GRK1: variants seen among roughly 807,000 people sequenced by gnomAD.
The protein encoded by GRK1 is rhodopsin kinase GRK1.
A neutral mutation model predicts 41.7 loss-of-function variants in GRK1; 28 were observed. The observed-to-expected ratio is 0.67, with a 90% CI of 0.50 to 0.92. The LOEUF is 0.92. Ranked by LOEUF, GRK1 falls within the 40% of genes least tolerant of loss-of-function variation. The probability of loss-of-function intolerance (pLI) is 0.00; values close to 1 mark genes in which losing one functional copy is unlikely to be tolerated. For missense variants in GRK1, 703 were observed against 671.2 expected (o/e 1.05, Z -0.52); for synonymous variants, 327 against 286.7 (o/e 1.14, Z -1.42).
At chr13:113,670,572 C>T (rs1469761894) in intron 2 of GRK1, among the ~76,000 whole-genome samples, 2 of 152,212 alleles carry the variant, frequency 1.3e-5, no homozygotes, top group Non-Finnish European at 2.9e-5. Flanking sequence ...GAAATTCCTC[C>T]AGGTGAGGCT....
chr13:113,733,328 C>T (rs987946878), intron 6 of GRK1, among the ~76,000 whole-genome samples: 30 of 152,244 alleles, frequency 2.0e-4, no homozygotes, highest in Non-Finnish European at 2.9e-4. Flanking sequence ...ACACACTGGC[C>T]GCACTGGGGC....
At chr13:113,661,804 C>T in the GRK1 span, among the ~76,000 whole-genome samples, 1 of 152,162 alleles carries the variant, frequency 6.6e-6, no homozygotes, top group Non-Finnish European at 1.5e-5. Flanking sequence ...TGTAAATAGC[C>T]TATAACTATT....
At chr13:113,727,395 C>CCTGTGGT (rs2049896017) in intron 4 of GRK1, among the ~76,000 whole-genome samples, 1 of 151,836 alleles carries the variant, frequency 6.6e-6, no homozygotes, top group South Asian at 2.1e-4. Context: ...TGAGGTGTGG[C>CCTGTGGT]CTGTGGTCTG....
the GRK1 span, among the ~76,000 whole-genome samples, chr13:113,660,759 G>A: frequency 1.3e-5 from 2 of 152,200 alleles, no homozygotes; most frequent in African/African-American, 2.4e-5. Flanking sequence ...AGAGATGTTA[G>A]GATTAGCTGC....
Position 113,735,368 on chromosome 13 carries a change from C to T in GRK1, c.*5C>T, listed in dbSNP as rs995051191. Reference sequence around the variant, plus strand: ...GGGATGTGTCTGGTTTCCTAGGTGACGCCCCAGAGTCCACGTGGAGGAAAA... The same window carrying T: ...GGGATGTGTCTGGTTTCCTAGGTGATGCCCCAGAGTCCACGTGGAGGAAAA... On this transcript the variant is annotated 3_prime_UTR_variant, in exon 7 of 7. Transcript: ENST00000335678. 4.1e-5 allele frequency: 61 copies of T among 1,485,838 alleles called. No individual in the cohort carries two copies. In the South Asian group the frequency reaches 5.1e-4, roughly 12 times the overall value. The allele number at this position is 1,485,838 out of a possible 1,614,324, so 92.0% of individuals were successfully genotyped here. A position where few individuals can be genotyped will look rare whatever the true frequency, so the allele number is the denominator to read the frequency against.
At chr13:113,649,588 G>A in the GRK1 span, 8 of 1,445,382 alleles carry the variant, frequency 5.5e-6, no homozygotes, top group Admixed American at 2.8e-5. The surrounding 1 kb of genome is among the most constrained non-coding windows in gnomAD (Gnocchi z 4.7). Context: ...TGAAGTTAAG[G>A]AGAGAAAACT....
chr13:113,723,164 G>A lies in GRK1; in HGVS notation c.1069+7G>A, dbSNP rs2049867208. 7.1e-6 allele frequency: 5 copies of A among 700,372 alleles called. No homozygotes were observed. Among genetic ancestry groups the A allele is most frequent in the Non-Finnish European group, 1.3e-5 (5 of 382,956 alleles). The allele number at this position is 700,372 out of a possible 1,614,324, so 43.4% of individuals were successfully genotyped here. On this transcript the variant is annotated splice_region_variant and intron_variant, in intron 4 of 6. Coordinates refer to ENST00000335678, the MANE Select transcript of GRK1 (RefSeq NM_002929.3). ...GGCTACGCAGGGACCCCAGGTAAGG[G>A]TCTGAGCGCAGCTGGGGAGGCTCCG...
chr13:113,659,194 G>A, the GRK1 span, among the ~76,000 whole-genome samples: 55 of 152,318 alleles, frequency 3.6e-4, no homozygotes, highest in South Asian at 5.4e-3. Context: ...TCAGAACCCC[G>A]GCTCAGACGC....
intron 4 of GRK1, among the ~76,000 whole-genome samples, chr13:113,724,149 C>T (rs994581372): frequency 4.6e-5 from 7 of 152,104 alleles, no homozygotes; most frequent in Non-Finnish European, 1.0e-4. Context: ...TCAAGCAGAG[C>T]GGGGTCCGTG....
chr13:113,652,641 T>G, the GRK1 span: 1 of 613,294 alleles, frequency 1.6e-6, no homozygotes, highest in East Asian at 3.0e-5. Flanking sequence ...TGTTTCCACA[T>G]GTTTTAGAGG....
intron 4 of GRK1, among the ~76,000 whole-genome samples, chr13:113,728,395 G>T (rs145191605): frequency 8.0e-6 from 1 of 124,254 alleles, no homozygotes; most frequent in Non-Finnish European, 1.6e-5. Context: ...TACCCATGGC[G>T]ATGAGGAGTA....
Position 113,735,514 on chromosome 13 carries a change from G to T in GRK1, c.*151G>T. 1.2e-6 allele frequency: 1 copy of T among 862,510 alleles called. No individual in the cohort carries two copies. The highest frequency in any genetic ancestry group is 1.7e-6 in the Non-Finnish European group (1 of 603,244). 53.4% of individuals were successfully genotyped at this position (862,510 alleles called of 1,614,324 possible). A position where few individuals can be genotyped will look rare whatever the true frequency, so the allele number is the denominator to read the frequency against. On this transcript the variant is annotated 3_prime_UTR_variant, in exon 7 of 7. Coordinates refer to ENST00000335678, the MANE Select transcript of GRK1 (RefSeq NM_002929.3). ...ATCACGCCATCTCCTTGCGGCCCAA[G>T]GAGGAGAAAGCCCACATCGGCCTGA...
At position 113,735,077 on chromosome 13, in the gene GRK1, T is replaced by C; in HGVS notation, c.1406T>C (p.Met469Thr). Residue 469 changes from methionine to threonine, a missense_variant, in exon 7 of 7, where the codon ATG becomes ACG. By Grantham distance (81) the Met-to-Thr change is moderately conservative. Transcript: ENST00000335678. ...TTTCTGTCTCCCACAGGGATGCTGA[T>C]GCCCCCTTTCATCCCAGACTCCAAA... ...NWRQLEAGML[M>T]PPFIPDSKTV... 2.0e-6 allele frequency: 3 copies of C among 1,515,864 alleles called. No individual in the cohort carries two copies. The highest frequency in any genetic ancestry group is 1.8e-6 in the Non-Finnish European group (2 of 1,130,448). The allele number at this position is 1,515,864 out of a possible 1,614,324, so 93.9% of individuals were successfully genotyped here. A position where few individuals can be genotyped will look rare whatever the true frequency, so the allele number is the denominator to read the frequency against.
chr13:113,735,506 C>T lies in GRK1; in HGVS notation c.*143C>T, dbSNP rs1297152355. The T allele has an allele frequency of 2.0e-5, 19 of 933,586 alleles. No individual in the cohort carries two copies. The South Asian group carries it at 2.7e-4, about 13-fold the overall frequency. The allele number at this position is 933,586 out of a possible 1,614,324, so 57.8% of individuals were successfully genotyped here. On this transcript the variant is annotated 3_prime_UTR_variant, in exon 7 of 7. Coordinates refer to ENST00000335678, the MANE Select transcript of GRK1 (RefSeq NM_002929.3). ...AGGTCCCCATCACGCCATCTCCTTGCGGCCCAAGGAGGAGAAAGCCCACAT... is the reference window on the plus strand; with the variant it reads ...AGGTCCCCATCACGCCATCTCCTTGTGGCCCAAGGAGGAGAAAGCCCACAT...
chr13:113,731,172 AC>A lies in GRK1; in HGVS notation c.1070-45del. The A allele has an allele frequency of 6.6e-7, 1 of 1,523,670 alleles. No individual in the cohort carries two copies. The highest frequency in any genetic ancestry group is 8.8e-7 in the Non-Finnish European group (1 of 1,137,282). The allele number at this position is 1,523,670 out of a possible 1,614,324, so 94.4% of individuals were successfully genotyped here. ...CCTGCGATTCCTGGAGTGCGTGCCC[AC>A]CATGGAGGTGACCACCTCTGAACCC... On this transcript the variant is annotated intron_variant, in intron 4 of 6. Transcript: ENST00000335678. The surrounding 1 kb of genome is among the most constrained non-coding windows in gnomAD (Gnocchi z 5.6).
chr13:113,730,557 C>T (rs370125828), intron 4 of GRK1, among the ~76,000 whole-genome samples: 6 of 150,818 alleles, frequency 4.0e-5, no homozygotes, highest in African/African-American at 1.5e-4. Flanking sequence ...TCTGCGGCTG[C>T]GCCCAGAGCC....
At chr13:113,727,652 G>A (rs558450722) in intron 4 of GRK1, among the ~76,000 whole-genome samples, 88 of 141,648 alleles carry the variant, frequency 6.2e-4, no homozygotes, top group African/African-American at 2.3e-3. Context: ...TACCCATGGC[G>A]ATGAGGACCC....
At chr13:113,657,867 C>G in the GRK1 span, among the ~76,000 whole-genome samples, 1 of 152,234 alleles carries the variant, frequency 6.6e-6, no homozygotes, top group East Asian at 1.9e-4. Flanking sequence ...CTCGCTTTCC[C>G]TGGGAGGCAA....
At position 113,669,543 on chromosome 13, in the gene GRK1, C is replaced by T. The variant is rs1305915690; in HGVS notation, c.700-144C>T. On this transcript the variant is annotated intron_variant, in intron 1 of 6. Transcript: ENST00000335678. Reference sequence around the variant, plus strand: ...CATGTTTTGAAGTCATTTGCAATTGCTTTGTGAAAGGCGCATTTAAAGCAT... The same window carrying T: ...CATGTTTTGAAGTCATTTGCAATTGTTTTGTGAAAGGCGCATTTAAAGCAT... The T allele has an allele frequency of 7.4e-6, 7 of 942,830 alleles. No individual in the cohort carries two copies. The Admixed American group carries it at 1.4e-4, about 19-fold the overall frequency. The allele number at this position is 942,830 out of a possible 1,614,324, so 58.4% of individuals were successfully genotyped here.
Sources: gnomAD v4.1 joint callset for allele counts (sites outside exome capture counted in the v4.1 genomes callset) on GRCh38, gnomAD v4.1.1 for gene constraint, Gnocchi (gnomAD v3.1) non-coding constraint, MANE v1.5 for transcripts, NCBI Gene and HGNC (gene_info 2026-07-23, HGNC 2026-07-21) for gene names.